The following ARHGEF3 variants were observed in gnomAD, a reference collection of about 807,000 sequenced individuals.
ARHGEF3 encodes the protein 59.8 kDA protein.
A neutral mutation model predicts 63.2 loss-of-function variants in ARHGEF3; 28 were observed. The observed-to-expected ratio is 0.44, with a 90% CI of 0.33 to 0.61. The LOEUF is 0.61. Among genes scored for constraint, ARHGEF3 ranks in the 20% least tolerant of loss-of-function variants. The pLI is 0.03. For synonymous variants in ARHGEF3, 266 were observed against 254.2 expected, an observed-to-expected ratio of 1.05 and a Z score of -0.44; for missense variants, 533 against 659.3, an observed-to-expected ratio of 0.81 and a Z score of 2.10.
chr3:56,861,438 C>T lies in ARHGEF3; in HGVS notation c.192+20854G>A, dbSNP rs191961482. Among the ~76,000 whole-genome samples, 14 of 152,256 alleles carry T rather than the reference C, an allele frequency of 9.2e-5. No homozygotes were observed. The East Asian group carries it at 2.5e-3, about 27-fold the overall frequency. ...CTCCTCAAATGCTCAAAATTTAAAACCTAGATTGCCCAGGTGAAAGCATGC... is the reference window on the plus strand; with the variant it reads ...CTCCTCAAATGCTCAAAATTTAAAATCTAGATTGCCCAGGTGAAAGCATGC... On this transcript the variant is annotated intron_variant, in intron 4 of 12. Coordinates refer to the ARHGEF3 transcript ENST00000338458.
chr3:57,041,476 C>T (rs929173497), intron 1 of ARHGEF3, among the ~76,000 whole-genome samples: 11 of 152,202 alleles, frequency 7.2e-5, no homozygotes, highest in African/African-American at 2.7e-4. Flanking sequence ...CCATAACAAC[C>T]CCACCCTAAT....
At chr3:56,791,860 CA>C (rs2037092282) in intron 1 of ARHGEF3, among the ~76,000 whole-genome samples, 1 of 85,790 alleles carries the variant, frequency 1.2e-5, no homozygotes, top group South Asian at 3.7e-4. Flanking sequence ...AACAAAATAG[CA>C]AAATTAAAAA....
At chr3:56,930,226 G>C (rs1178196259) in intron 3 of ARHGEF3, among the ~76,000 whole-genome samples, 2 of 152,018 alleles carry the variant, frequency 1.3e-5, no homozygotes, top group African/African-American at 4.8e-5. Context: ...ATGAGATGCC[G>C]ATAGCATCTC....
At chr3:56,779,256 A>G (rs2036430646) in intron 1 of ARHGEF3, among the ~76,000 whole-genome samples, 1 of 152,006 alleles carries the variant, frequency 6.6e-6, no homozygotes, top group African/African-American at 2.4e-5. Context: ...CCATTTTAAT[A>G]TATATATATG....
intron 1 of ARHGEF3, among the ~76,000 whole-genome samples, chr3:56,786,035 C>T (rs1180296090): frequency 1.3e-5 from 2 of 152,136 alleles, no homozygotes; most frequent in Non-Finnish European, 2.9e-5. Context: ...CCCAGCTGTC[C>T]CTTCTAGCAC....
Position 56,729,602 on chromosome 3 carries a change from T to C in ARHGEF3, c.1249A>G (p.Ser417Gly), listed in dbSNP as rs200602538. Residue 417 changes from serine to glycine, a missense_variant, in exon 10 of 10, where the codon AGT (serine) becomes GGT (glycine). By Grantham distance (56) the Ser-to-Gly change is moderately conservative. Around this residue, in one of 4 missense-constraint regions of ARHGEF3, gnomAD observed 151 missense variants for 190.7 expected, o/e 0.79. Coordinates refer to ENST00000296315, the MANE Select transcript of ARHGEF3 (RefSeq NM_019555.3). ...NERIKNFFRV[S>G]FKNGSQSQTH... ...TGACTTTGGGATCCATTTTTGAAACTGACTCTGAAGAAGTTTTTAACTAGA... is the reference window on the plus strand; with the variant it reads ...TGACTTTGGGATCCATTTTTGAAACCGACTCTGAAGAAGTTTTTAACTAGA... The C allele has an allele frequency of 1.7e-5, 28 of 1,603,914 alleles. No individual in the cohort carries two copies. Among genetic ancestry groups the C allele is most frequent in the Non-Finnish European group, 2.4e-5 (28 of 1,173,584 alleles).
In ARHGEF3 at chr3:56,814,723, C is replaced by T. The variant is rs536098931; in HGVS notation, c.193-40907G>A. On this transcript the variant is annotated intron_variant, in intron 4 of 12. Transcript: ENST00000338458. ...GAATTTGGAGAACTTTTCCAACACT[C>T]CTTGCTTCCAAAGACATTAATTCTT... is the stretch of plus-strand genomic sequence containing the variant. Among the ~76,000 whole-genome samples the T allele has an allele frequency of 4.6e-5, 7 of 152,170 alleles. No homozygotes were observed. In the South Asian group the frequency reaches 1.5e-3, roughly 32 times the overall value.
At chr3:56,732,558 C>T (rs1559882139) in intron 8 of ARHGEF3, 134 bp from the exon 9 acceptor site, 1 of 1,048,564 alleles carries the variant, frequency 9.5e-7, no homozygotes, top group Non-Finnish European at 1.4e-6. Flanking sequence ...TCAAATCTAC[C>T]TCCAGGAGAA....
intron 7 of ARHGEF3, 142 bp downstream of exon 7, chr3:56,745,063 G>C (rs994712041): frequency 3.2e-5 from 34 of 1,072,784 alleles, no homozygotes; most frequent in Admixed American, 7.4e-5. Flanking sequence ...ATCAAAACAT[G>C]GTTGATGGCA....
At chr3:57,007,338 T>G in intron 2 of ARHGEF3, 2 of 1,289,742 alleles carry the variant, frequency 1.6e-6, no homozygotes, top group Non-Finnish European at 2.0e-6. Context: ...CCAACAGCCC[T>G]GAAGGAAAGA....
Position 56,751,329 on chromosome 3 carries a change from G to A in ARHGEF3, c.506C>T (p.Thr169Ile). The A allele has an allele frequency of 6.2e-7, 1 of 1,613,916 alleles. No homozygotes were observed. The highest frequency in any genetic ancestry group is 8.5e-7 in the Non-Finnish European group (1 of 1,179,818). The change falls in exon 5 of 10, where the codon ACA becomes ATA. Residue 169 changes from threonine to isoleucine, a missense_variant. Coordinates refer to ENST00000296315, the MANE Select transcript of ARHGEF3 (RefSeq NM_019555.3). ...TEQELNQIFG[T>I]LDSLIPLHEE... ...ATGTAGAGGAATTAGAGAGTCCAGTGTTCCAAAAATTTGATTCAACTCTTG... is the reference window on the plus strand; with the variant it reads ...ATGTAGAGGAATTAGAGAGTCCAGTATTCCAAAAATTTGATTCAACTCTTG...
chr3:57,006,834 G>A (rs111233948), intron 2 of ARHGEF3, among the ~76,000 whole-genome samples: 111 of 152,212 alleles, frequency 7.3e-4, no homozygotes, highest in African/African-American at 2.5e-3. Flanking sequence ...GGCCCTAAGC[G>A]CCACAGGAGT....
In ARHGEF3 at chr3:56,894,074, C is replaced by T. The variant is rs578007089; in HGVS notation, c.130-11720G>A. On this transcript the variant is annotated intron_variant, in intron 3 of 12. Transcript: ENST00000338458. Reference sequence around the variant, plus strand: ...CACACCGTGTGGAAAGCACACAAATCAGCTTTCCACAGGCCAGAAATGCCG... The same window carrying T: ...CACACCGTGTGGAAAGCACACAAATTAGCTTTCCACAGGCCAGAAATGCCG... Among the ~76,000 whole-genome samples, 18 of 152,222 alleles carry T rather than the reference C, an allele frequency of 1.2e-4. 1 individual carries two copies. In the South Asian group the frequency reaches 3.3e-3, roughly 28 times the overall value.
At chr3:56,747,378 C>T (rs1042971009) in intron 6 of ARHGEF3, among the ~76,000 whole-genome samples, 1 of 152,190 alleles carries the variant, frequency 6.6e-6, no homozygotes, top group Non-Finnish European at 1.5e-5. Flanking sequence ...TGTGCTCTCA[C>T]CTGACAGGGT....
chr3:57,015,010 CTT>C (rs35395324), intron 2 of ARHGEF3, among the ~76,000 whole-genome samples: 32 of 142,534 alleles, frequency 2.2e-4, no homozygotes, highest in Middle Eastern at 3.6e-3. Flanking sequence ...TTTTCATGTA[CTT>C]TTTTTTTTTT....
chr3:57,014,853 T>A lies in ARHGEF3; in HGVS notation c.62+20235A>T, dbSNP rs145024291. Among the ~76,000 whole-genome samples the A allele has an allele frequency of 2.6e-5, 4 of 152,170 alleles. No individual in the cohort carries two copies. The East Asian group carries it at 7.7e-4, about 29-fold the overall frequency. On this transcript the variant is annotated intron_variant, in intron 2 of 12. Coordinates refer to the ARHGEF3 transcript ENST00000338458. ...CCGCCACTGCACTTGGCTAATTTAT[T>A]TTTTTGTATTTTTACTAGTCACGGG... is the stretch of plus-strand genomic sequence containing the variant.
chr3:57,042,680 AT>A (rs1560156122), intron 1 of ARHGEF3, among the ~76,000 whole-genome samples: 2 of 27,718 alleles, frequency 7.2e-5, no homozygotes, highest in African/African-American at 3.0e-4. Flanking sequence ...ATATATATAT[AT>A]ATATATATAT....
intron 3 of ARHGEF3, among the ~76,000 whole-genome samples, chr3:56,914,866 T>C (rs2041944256): frequency 6.6e-6 from 1 of 152,198 alleles, no homozygotes; most frequent in African/African-American, 2.4e-5. Flanking sequence ...AGAGTTATTG[T>C]TTAACGAGTA....
At chr3:56,906,332 T>C (rs1367454925) in intron 3 of ARHGEF3, among the ~76,000 whole-genome samples, 4 of 152,198 alleles carry the variant, frequency 2.6e-5, no homozygotes, top group Admixed American at 2.0e-4. Context: ...AACATTTCTG[T>C]CGTCACAAGA....
Sources: allele counts gnomAD v4.1 joint callset (sites outside exome capture counted in the v4.1 genomes callset), GRCh38; gene constraint gnomAD v4.1.1; regional missense constraint gnomAD v4.1.1; transcripts MANE v1.5; gene names NCBI Gene and HGNC (gene_info 2026-07-23, HGNC 2026-07-21).